WNT3A: variants seen among roughly 807,000 people sequenced by gnomAD.
WNT3A encodes the protein protein Wnt-3a.
A neutral mutation model predicts 37.0 loss-of-function variants in WNT3A; 17 were observed. The ratio of observed to expected loss-of-function variants is 0.46; its 90% CI spans 0.31 to 0.69. The LOEUF (loss-of-function observed/expected upper bound fraction) is 0.69. WNT3A is among the 30% of genes least tolerant of loss of function. The probability of loss-of-function intolerance (pLI) is 0.05; values close to 1 mark genes in which losing one functional copy is unlikely to be tolerated. For missense variants in WNT3A, 411 were observed against 510.2 expected (o/e 0.81, Z 1.87); for synonymous variants, 187 against 211.0 (o/e 0.89, Z 0.99).
chr1:228,023,085 GT>G (rs1327201439), intron 2 of WNT3A, among the ~76,000 whole-genome samples, 177 bp downstream of exon 2: 1 of 152,232 alleles, frequency 6.6e-6, no homozygotes, highest in African/African-American at 2.4e-5. Flanking sequence ...GACTGAGCCT[GT>G]GGGGTTATTC....
Position 228,022,893 on chromosome 1 carries a change from C to A in WNT3A, c.298C>A (p.Pro100Thr). The A allele has an allele frequency of 6.2e-7, 1 of 1,610,102 alleles. No homozygotes were observed. Among genetic ancestry groups the A allele is most frequent in the Non-Finnish European group, 8.5e-7 (1 of 1,177,218 alleles). Residue 100 changes from proline (P) to threonine (T), a missense_variant, in exon 2 of 4, where the codon CCC becomes ACC. Physicochemically the swap from Pro to Thr is conservative, Grantham distance 38. Transcript: ENST00000284523. ...CCACGACAGCCTGGCCATCTTCGGG[C>A]CCGTGCTGGACAAAGGTATGGGGGT... ...TVHDSLAIFG[P>T]VLDKATRESA...
chr1:228,012,213 C>CGA (rs1458538792), intron 1 of WNT3A, among the ~76,000 whole-genome samples: 1 of 152,140 alleles, frequency 6.6e-6, no homozygotes, highest in Non-Finnish European at 1.5e-5. Flanking sequence ...AGGGAAGCTC[C>CGA]GGTGTCCAGC....
chr1:228,018,800 A>G (rs2030606559), intron 1 of WNT3A, among the ~76,000 whole-genome samples: 1 of 152,152 alleles, frequency 6.6e-6, no homozygotes, highest in Admixed American at 6.5e-5. Flanking sequence ...CCCTGGCCCC[A>G]CAGGAGCTCC....
At chr1:228,049,423 C>T (rs1343431855) in intron 2 of WNT3A, among the ~76,000 whole-genome samples, 2 of 152,234 alleles carry the variant, frequency 1.3e-5, no homozygotes, top group Non-Finnish European at 2.9e-5. Context: ...CTTGCCACTG[C>T]TTTTTAACCA....
intron 2 of WNT3A, among the ~76,000 whole-genome samples, chr1:228,029,188 C>T (rs891559167): frequency 6.6e-6 from 1 of 152,202 alleles, no homozygotes; most frequent in African/African-American, 2.4e-5. Context: ...GACTACTTTC[C>T]AGAGAGCTAA....
At chr1:228,024,005 A>T (rs1403670326) in intron 2 of WNT3A, among the ~76,000 whole-genome samples, 1 of 152,260 alleles carries the variant, frequency 6.6e-6, no homozygotes, top group African/African-American at 2.4e-5. Flanking sequence ...CATGGGCTGA[A>T]TAATATTCCA....
chr1:228,052,915 T>A (rs2102780797), intron 3 of WNT3A, among the ~76,000 whole-genome samples: 1 of 152,264 alleles, frequency 6.6e-6, no homozygotes, highest in South Asian at 2.1e-4. Context: ...CCAAAATTCG[T>A]ATGTTGTAAG....
chr1:228,013,771 G>A (rs2030446211), intron 1 of WNT3A, among the ~76,000 whole-genome samples: 1 of 152,204 alleles, frequency 6.6e-6, no homozygotes, highest in Non-Finnish European at 1.5e-5. Context: ...GGTGCCCTCG[G>A]GCAGTCTCAG....
At position 228,042,307 on chromosome 1, in the gene WNT3A, A is replaced by G. The variant is rs1187786013; in HGVS notation, c.314-8349A>G. 6.6e-6 allele frequency among the ~76,000 whole-genome samples: 1 copy of G among 152,070 alleles called. No individual in the cohort carries two copies. The highest frequency in any genetic ancestry group is 6.6e-5 in the Admixed American group (1 of 15,254). ...AGGATTTTTTTTACTGTGGTTATTG[A>G]GAGTGGGCACCTTGCTTCTTATTCA... is the stretch of plus-strand genomic sequence containing the variant. On this transcript the variant is annotated intron_variant, in intron 2 of 3. Coordinates refer to ENST00000284523, the MANE Select transcript of WNT3A (RefSeq NM_033131.4). The surrounding 1 kb of genome is among the most constrained non-coding windows in gnomAD (Gnocchi z 5.2).
Position 228,059,457 on chromosome 1 carries a change from T to A in WNT3A, c.1051T>A (p.Cys351Ser). 1 of 1,507,518 alleles carries A rather than the reference T, an allele frequency of 6.6e-7. No homozygotes were observed. The highest frequency in any genetic ancestry group is 8.8e-7 in the Non-Finnish European group (1 of 1,134,096). 93.4% of individuals were successfully genotyped at this position (1,507,518 alleles called of 1,614,324 possible). Residue 351 changes from cysteine (C) to serine (S), a missense_variant, in exon 4 of 4, where the codon TGC (cysteine) becomes AGC (serine). Transcript: ENST00000284523. ...CACGCGCGTCTACGACGTGCACACCTGCAAGTAGGCACCGGCCGCGGCTCC... is the reference window on the plus strand; with the variant it reads ...CACGCGCGTCTACGACGTGCACACCAGCAAGTAGGCACCGGCCGCGGCTCC... Reference protein sequence around the residue: ...ECTRVYDVHTCK With the variant: ...ECTRVYDVHTSK
chr1:228,009,185 C>A (rs1046070892), intron 1 of WNT3A, among the ~76,000 whole-genome samples: 3 of 152,066 alleles, frequency 2.0e-5, no homozygotes, highest in Non-Finnish European at 4.4e-5. Flanking sequence ...AGCAGCCTCC[C>A]CTTGGGGGAG....
chr1:228,059,292 A>C lies in WNT3A; in HGVS notation c.886A>C (p.Thr296Pro), dbSNP rs773948729. The C allele has an allele frequency of 6.3e-6, 10 of 1,588,898 alleles. No homozygotes were observed. Among genetic ancestry groups the C allele is most frequent in the Non-Finnish European group, 8.5e-6 (10 of 1,172,048 alleles). Residue 296 changes from threonine (T) to proline (P), a missense_variant, in exon 4 of 4, where the codon ACC (threonine) becomes CCC (proline). Coordinates refer to ENST00000284523, the MANE Select transcript of WNT3A (RefSeq NM_033131.4). ...ETGSFGTRDR[T>P]CNVSSHGIDG... ...GGGCTCCTTCGGCACGCGCGACCGC[A>C]CCTGCAACGTCAGCTCGCACGGCAT... is the stretch of plus-strand genomic sequence containing the variant.
At chr1:228,026,875 C>T (rs947823602) in intron 2 of WNT3A, among the ~76,000 whole-genome samples, 2 of 152,216 alleles carry the variant, frequency 1.3e-5, no homozygotes, top group African/African-American at 4.8e-5. Context: ...TAGGGTCTCA[C>T]TCTGTCATCC....
intron 2 of WNT3A, among the ~76,000 whole-genome samples, chr1:228,029,246 G>A (rs2030936226): frequency 6.6e-6 from 1 of 152,164 alleles, no homozygotes; most frequent in African/African-American, 2.4e-5. Context: ...AGGGCCCTTG[G>A]AGCTTCCTTT....
chr1:228,022,533 C>A, intron 1 of WNT3A, 134 bp from the exon 2 acceptor site: 1 of 1,164,868 alleles, frequency 8.6e-7, no homozygotes. Flanking sequence ...AATAAAAAAT[C>A]AGATTTCCTT....
chr1:228,025,452 G>A (rs193223693), intron 2 of WNT3A, among the ~76,000 whole-genome samples: 4 of 152,100 alleles, frequency 2.6e-5, no homozygotes, highest in African/African-American at 4.8e-5. Flanking sequence ...AGGTTCAAGC[G>A]ATCCTCCTGC....
In WNT3A at chr1:228,055,180, ATATATATATATATAT is replaced by A. The variant is rs1201311037; in HGVS notation, c.580-3805_580-3791del. On this transcript the variant is annotated intron_variant, in intron 3 of 3. Coordinates refer to ENST00000284523, the MANE Select transcript of WNT3A (RefSeq NM_033131.4). ...TCCCAAAAAAAAAAAAAAAAAAAAA[ATATATATATATATAT>A]ATATATATATATATATATATATATA... Among the ~76,000 whole-genome samples the A allele has an allele frequency of 6.6e-3, 97 of 14,796 alleles. 4 individuals carry two copies. The highest frequency in any genetic ancestry group is 0.024 in the African/African-American group (93 of 3,950). 9.7% of individuals were successfully genotyped at this position (14,796 alleles called of 152,430 possible).
In WNT3A at chr1:228,042,516, A is replaced by G. The variant is rs1385354656; in HGVS notation, c.314-8140A>G. 6.6e-6 allele frequency among the ~76,000 whole-genome samples: 1 copy of G among 151,684 alleles called. No individual in the cohort carries two copies. Among genetic ancestry groups the G allele is most frequent in the Non-Finnish European group, 1.5e-5 (1 of 67,922 alleles). On this transcript the variant is annotated intron_variant, in intron 2 of 3. Transcript: ENST00000284523. The surrounding 1 kb of genome is among the most constrained non-coding windows in gnomAD (Gnocchi z 5.2). ...GATTAGAGATGGACAGATGATGGGC[A>G]ACAGATAGGTGATGAATGTACAGAT...
In WNT3A at chr1:228,055,176, AAAAAT is replaced by A. The variant is rs1467479602; in HGVS notation, c.580-3808_580-3804del. Among the ~76,000 whole-genome samples the A allele has an allele frequency of 2.0e-4, 12 of 59,082 alleles. 1 individual carries two copies. Among genetic ancestry groups the A allele is most frequent in the South Asian group, 7.3e-4 (1 of 1,376 alleles). 38.8% of individuals were successfully genotyped at this position (59,082 alleles called of 152,430 possible). On this transcript the variant is annotated intron_variant, in intron 3 of 3. Coordinates refer to ENST00000284523, the MANE Select transcript of WNT3A (RefSeq NM_033131.4). The stretch of plus-strand genomic sequence containing the variant: ...TCCGTCCCAAAAAAAAAAAAAAAAA[AAAAAT>A]ATATATATATATATATATATATATA...
Sources: allele counts gnomAD v4.1 joint callset (sites outside exome capture counted in the v4.1 genomes callset), GRCh38; gene constraint gnomAD v4.1.1; non-coding constraint Gnocchi (gnomAD v3.1); transcripts MANE v1.5; gene names NCBI Gene and HGNC (gene_info 2026-07-23, HGNC 2026-07-21).